MIS18A: variants seen among roughly 807,000 people sequenced by gnomAD.
MIS18A encodes the protein protein Mis18-alpha.
Under a neutral mutation model 25.0 loss-of-function variants are expected in MIS18A, and 14 were observed. The ratio of observed to expected loss-of-function variants is 0.56; its 90% CI spans 0.37 to 0.88. MIS18A has a LOEUF of 0.88. MIS18A is among the 40% of genes least tolerant of loss of function. MIS18A has a pLI of 0.00. For missense variants in MIS18A, 292 were observed against 290.8 expected (o/e 1.00, Z -0.03); for synonymous variants, 134 against 118.6 (o/e 1.13, Z -0.84).
At chr21:32,198,906 T>TAA in the MIS18A span, among the ~76,000 whole-genome samples, 1 of 131,910 alleles carries the variant, frequency 7.6e-6, no homozygotes, top group Non-Finnish European at 1.6e-5. Flanking sequence ...AGGCTCTGTC[T>TAA]AAAAAAAAAA....
chr21:32,188,923 T>C, the MIS18A span, among the ~76,000 whole-genome samples: 2 of 152,172 alleles, frequency 1.3e-5, no homozygotes. Context: ...ACCAAATCAA[T>C]GGATATCAGT....
the MIS18A span, among the ~76,000 whole-genome samples, chr21:32,249,505 G>C: frequency 2.6e-5 from 4 of 152,262 alleles, no homozygotes; most frequent in African/African-American, 9.6e-5. Flanking sequence ...CTCAGCAGGG[G>C]AAAAAACACA....
chr21:32,246,616 A>T, the MIS18A span, among the ~76,000 whole-genome samples: 2 of 152,196 alleles, frequency 1.3e-5, no homozygotes, highest in Non-Finnish European at 2.9e-5. Flanking sequence ...AGAAATTTTC[A>T]TTCCAGAACT....
In MIS18A at chr21:32,269,694, A is replaced by T; in HGVS notation, c.621+13T>A. The T allele has an allele frequency of 6.8e-7, 1 of 1,459,914 alleles. No individual in the cohort carries two copies. Among genetic ancestry groups the T allele is most frequent in the Non-Finnish European group, 9.6e-7 (1 of 1,041,116 alleles). 90.4% of individuals were successfully genotyped at this position (1,459,914 alleles called of 1,614,324 possible). On this transcript the variant is annotated intron_variant, in intron 4 of 4. Transcript: ENST00000290130. ...GTTCATACAAAGATATAAAATGTACAGAATAAAATTACCTGTGTTAGAGAC... is the reference window on the plus strand; with the variant it reads ...GTTCATACAAAGATATAAAATGTACTGAATAAAATTACCTGTGTTAGAGAC...
At chr21:32,186,652 G>A in the MIS18A span, among the ~76,000 whole-genome samples, 1 of 152,198 alleles carries the variant, frequency 6.6e-6, no homozygotes, top group Non-Finnish European at 1.5e-5. Flanking sequence ...GTGAAAGAGA[G>A]AGCGCAAGAG....
chr21:32,238,521 C>T, the MIS18A span, among the ~76,000 whole-genome samples: 1 of 152,276 alleles, frequency 6.6e-6, no homozygotes, highest in East Asian at 1.9e-4. Context: ...CTCCATGACC[C>T]CACCCTGCTG....
the MIS18A span, among the ~76,000 whole-genome samples, chr21:32,255,799 G>A: frequency 6.6e-6 from 1 of 151,654 alleles, no homozygotes; most frequent in South Asian, 2.1e-4. Flanking sequence ...GTTGAGGCAG[G>A]AGAATGGAGT....
the MIS18A span, among the ~76,000 whole-genome samples, chr21:32,157,986 C>T: frequency 6.6e-6 from 1 of 152,100 alleles, no homozygotes; most frequent in Non-Finnish European, 1.5e-5. Context: ...CCAAAGATTA[C>T]CAAGGTCATG....
At chr21:32,191,322 G>A in the MIS18A span, among the ~76,000 whole-genome samples, 2 of 152,222 alleles carry the variant, frequency 1.3e-5, no homozygotes, top group African/African-American at 4.8e-5. Context: ...GGGCATGGTG[G>A]CTCACACCTA....
chr21:32,250,545 G>A, the MIS18A span, among the ~76,000 whole-genome samples: 1 of 152,308 alleles, frequency 6.6e-6, no homozygotes, highest in Admixed American at 6.5e-5. Flanking sequence ...TTATGGGGCA[G>A]CTGCCTCCAC....
chr21:32,271,389 C>T (rs10427536), intron 2 of MIS18A, among the ~76,000 whole-genome samples: 1,973 of 152,232 alleles, frequency 0.013, 37 homozygotes, highest in African/African-American at 0.044. Flanking sequence ...ATATCCATTC[C>T]TGCTATCAAG....
the MIS18A span, among the ~76,000 whole-genome samples, chr21:32,182,528 T>C: frequency 6.6e-6 from 1 of 152,222 alleles, no homozygotes; most frequent in South Asian, 2.1e-4. Context: ...CATTTCATCA[T>C]TCCCGGCTGC....
chr21:32,240,204 G>A, the MIS18A span, among the ~76,000 whole-genome samples: 1 of 152,250 alleles, frequency 6.6e-6, no homozygotes, highest in Non-Finnish European at 1.5e-5. Context: ...CTGAACCTCT[G>A]TGTCCCTTAA....
the MIS18A span, among the ~76,000 whole-genome samples, chr21:32,167,210 A>G: frequency 1.3e-5 from 2 of 152,178 alleles, no homozygotes; most frequent in Non-Finnish European, 2.9e-5. Flanking sequence ...CTGGAGGTAG[A>G]TAATATGATC....
chr21:32,237,313 C>G, the MIS18A span, among the ~76,000 whole-genome samples: 4 of 152,268 alleles, frequency 2.6e-5, no homozygotes, highest in East Asian at 7.7e-4. Flanking sequence ...TGCTGCAAGC[C>G]CCTGAGGTTG....
intron 1 of MIS18A, 27 bp downstream of exon 1, chr21:32,278,654 C>G (rs1423895374): frequency 6.7e-7 from 1 of 1,482,878 alleles, no homozygotes; most frequent in Non-Finnish European, 8.9e-7. Context: ...ACCCCACGCC[C>G]CCCCTGCCCG....
At chr21:32,213,212 C>T in the MIS18A span, among the ~76,000 whole-genome samples, 1 of 152,120 alleles carries the variant, frequency 6.6e-6, no homozygotes, top group Non-Finnish European at 1.5e-5. Flanking sequence ...TATAACATTA[C>T]CGAGATATTC....
chr21:32,159,715 T>C, the MIS18A span, among the ~76,000 whole-genome samples: 2 of 152,160 alleles, frequency 1.3e-5, no homozygotes, highest in South Asian at 2.1e-4. Context: ...AATACATTGG[T>C]TTGGTTTGGA....
the MIS18A span, among the ~76,000 whole-genome samples, chr21:32,165,694 G>A: frequency 6.6e-6 from 1 of 151,974 alleles, no homozygotes; most frequent in Non-Finnish European, 1.5e-5. Flanking sequence ...GACTGAGTGG[G>A]GGCAAGAAAG....
Sources: allele counts gnomAD v4.1 joint callset (sites outside exome capture counted in the v4.1 genomes callset), GRCh38; gene constraint gnomAD v4.1.1; transcripts MANE v1.5; gene names NCBI Gene and HGNC (gene_info 2026-07-23, HGNC 2026-07-21).